KCNIP1: variants seen among roughly 807,000 people sequenced by gnomAD.
KCNIP1 encodes potassium voltage-gated channel interacting protein 1.
In KCNIP1, 18 loss-of-function variants were observed where a neutral mutation model predicts 33.0. The observed-to-expected ratio is 0.55, with a 90% CI of 0.38 to 0.81. The LOEUF is 0.81. Ranked by LOEUF, KCNIP1 falls within the 30% of genes least tolerant of loss-of-function variation. The pLI is 0.00. For synonymous variants in KCNIP1, 93 were observed against 98.3 expected (o/e 0.95, Z 0.32); for missense variants, 238 against 271.6 (o/e 0.88, Z 0.87).
At chr5:170,674,098 C>G (rs1445896151) in intron 1 of KCNIP1, among the ~76,000 whole-genome samples, 1 of 143,408 alleles carries the variant, frequency 7.0e-6, no homozygotes, top group Non-Finnish European at 1.5e-5. Context: ...TAGCAGCATA[C>G]CTGGCAATTT....
At chr5:170,528,606 A>G (rs1214310144) in intron 1 of KCNIP1, among the ~76,000 whole-genome samples, 1 of 152,218 alleles carries the variant, frequency 6.6e-6, no homozygotes, top group African/African-American at 2.4e-5. Flanking sequence ...TGCCAGGCAT[A>G]TATGGAGAGA....
intron 1 of KCNIP1, among the ~76,000 whole-genome samples, chr5:170,462,863 T>G (rs1458543869): frequency 6.6e-6 from 1 of 152,128 alleles, no homozygotes. Flanking sequence ...GTGAAGTAAC[T>G]CAGCAATGGA....
intron 1 of KCNIP1, among the ~76,000 whole-genome samples, chr5:170,644,533 TG>T (rs1760710822): frequency 6.6e-6 from 1 of 152,180 alleles, no homozygotes; most frequent in Admixed American, 6.5e-5. Context: ...TTTGTCCCCA[TG>T]GCCCCAGCAC....
intron 1 of KCNIP1, among the ~76,000 whole-genome samples, chr5:170,401,343 T>G (rs918958158): frequency 3.3e-5 from 5 of 152,312 alleles, no homozygotes; most frequent in African/African-American, 1.2e-4. Flanking sequence ...ACATTTACAC[T>G]CAGAGTGAAT....
chr5:170,491,615 C>T (rs188083211), intron 1 of KCNIP1, among the ~76,000 whole-genome samples: 12 of 152,298 alleles, frequency 7.9e-5, no homozygotes, highest in East Asian at 3.9e-4. Context: ...TGTGATATTA[C>T]GTCATCTTAA....
At chr5:170,707,551 T>C (rs1371150017) in intron 1 of KCNIP1, among the ~76,000 whole-genome samples, 1 of 152,218 alleles carries the variant, frequency 6.6e-6, no homozygotes, top group Non-Finnish European at 1.5e-5. Context: ...CTTTTAATAA[T>C]TGCATTACAT....
intron 1 of KCNIP1, among the ~76,000 whole-genome samples, chr5:170,362,646 C>G (rs559970180): frequency 4.1e-4 from 62 of 152,302 alleles, no homozygotes; most frequent in South Asian, 3.5e-3. Flanking sequence ...CTAGTCTGGC[C>G]AATTTTCATT....
intron 1 of KCNIP1, among the ~76,000 whole-genome samples, chr5:170,689,179 T>C (rs2036560): frequency 0.64 from 97,636 of 152,064 alleles, 32,237 homozygotes; most frequent in East Asian, 0.94. Flanking sequence ...CATTCTTTCA[T>C]TCATTCATTC....
At chr5:170,356,686 A>G (rs1365099139) in intron 1 of KCNIP1, among the ~76,000 whole-genome samples, 1 of 152,072 alleles carries the variant, frequency 6.6e-6, no homozygotes, top group African/African-American at 2.4e-5. Context: ...GACCATGTGC[A>G]TTTTTTTGCT....
chr5:170,507,184 G>T (rs1754753717), intron 1 of KCNIP1, among the ~76,000 whole-genome samples: 2 of 152,240 alleles, frequency 1.3e-5, no homozygotes, highest in Admixed American at 1.3e-4. Context: ...GCAACCGGAA[G>T]AGAGCAGTTG....
In KCNIP1 at chr5:170,390,517, A is replaced by AAATATATAT; in HGVS notation, c.88+36554_88+36555insATATATATA. On this transcript the variant is annotated intron_variant, in intron 1 of 7. Transcript: ENST00000377360. ...GACCCCGTCTCAAAAAAAAAAAACA[A>AAATATATAT]ATATATATATATATATATATATTTT... 8.5e-4 allele frequency among the ~76,000 whole-genome samples: 63 copies of AAATATATAT among 74,542 alleles called. 3 individuals are homozygous for AAATATATAT. Among genetic ancestry groups the AAATATATAT allele is most frequent in the South Asian group, 1.8e-3 (4 of 2,266 alleles). The allele number at this position is 74,542 out of a possible 152,430, so 48.9% of individuals were successfully genotyped here.
intron 1 of KCNIP1, among the ~76,000 whole-genome samples, chr5:170,688,327 A>C (rs1434012595): frequency 6.6e-6 from 1 of 152,228 alleles, no homozygotes; most frequent in East Asian, 1.9e-4. Flanking sequence ...ACTGTGACAC[A>C]GAGGTCACTA....
chr5:170,449,466 G>C (rs1039040954), intron 1 of KCNIP1, among the ~76,000 whole-genome samples: 1 of 152,222 alleles, frequency 6.6e-6, no homozygotes, highest in Non-Finnish European at 1.5e-5. Flanking sequence ...GCTCCAAGGA[G>C]TCCAGAGGAA....
At chr5:170,557,475 G>A (rs1437346655) in intron 1 of KCNIP1, among the ~76,000 whole-genome samples, 3 of 152,118 alleles carry the variant, frequency 2.0e-5, no homozygotes, top group African/African-American at 7.2e-5. Flanking sequence ...GCCTCCTGCT[G>A]TAAGCATTTG....
At chr5:170,653,331 C>T (rs943805061) in intron 1 of KCNIP1, among the ~76,000 whole-genome samples, 1 of 152,154 alleles carries the variant, frequency 6.6e-6, no homozygotes, top group Non-Finnish European at 1.5e-5. Flanking sequence ...GCTCAGTGTC[C>T]TTGGAAAAGA....
chr5:170,444,754 T>C (rs1020212759), intron 1 of KCNIP1, among the ~76,000 whole-genome samples: 1 of 151,806 alleles, frequency 6.6e-6, no homozygotes, highest in African/African-American at 2.4e-5. Flanking sequence ...ACCTCAGGAC[T>C]AAGTACCTGA....
chr5:170,453,461 C>T (rs1581206891), intron 1 of KCNIP1, among the ~76,000 whole-genome samples: 1 of 152,324 alleles, frequency 6.6e-6, no homozygotes, highest in African/African-American at 2.4e-5. Flanking sequence ...TTCCTGGTTC[C>T]AGTTTCCTTT....
chr5:170,512,999 G>A (rs996570176), intron 1 of KCNIP1, among the ~76,000 whole-genome samples: 5 of 151,558 alleles, frequency 3.3e-5, no homozygotes, highest in African/African-American at 4.9e-5. Flanking sequence ...GCAGTGAGCC[G>A]AGATCGCGCC....
At chr5:170,378,690 A>T (rs1764107449) in intron 1 of KCNIP1, 1 of 1,599,152 alleles carries the variant, frequency 6.3e-7, no homozygotes, top group Admixed American at 1.7e-5. Context: ...GTGGTATGGC[A>T]TGGATGGATG....
Sources: allele counts gnomAD v4.1 joint callset (sites outside exome capture counted in the v4.1 genomes callset), GRCh38; gene constraint gnomAD v4.1.1; transcripts MANE v1.5; gene names NCBI Gene and HGNC (gene_info 2026-07-23, HGNC 2026-07-21).